Variants in POLDIP2 observed in about 807,000 individuals in gnomAD.
POLDIP2 encodes polymerase delta-interacting protein 2.
POLDIP2 carries 32 observed loss-of-function variants against 52.9 expected under a neutral mutation model. That is an observed-to-expected ratio of 0.61 (90% CI 0.46 to 0.81). The LOEUF is 0.81. Among genes scored for constraint, POLDIP2 ranks in the 40% least tolerant of loss-of-function variants. POLDIP2 has a pLI of 0.00. For missense variants in POLDIP2, 371 were observed against 477.3 expected (o/e 0.78, Z 2.07); for synonymous variants, 183 against 183.0 (o/e 1.00, Z 0.00).
At chr17:28,353,978 T>G (rs1328618856) in intron 3 of POLDIP2, among the ~76,000 whole-genome samples, 187 bp from the exon 4 acceptor site, 1 of 152,156 alleles carries the variant, frequency 6.6e-6, no homozygotes, top group Non-Finnish European at 1.5e-5. Context: ...TAATAGAGCA[T>G]GGAAGACCAT....
Position 28,353,772 on chromosome 17 carries a change from G to A in POLDIP2, c.361C>T (p.His121Tyr), listed in dbSNP as rs1907914273. ...APEKAENPAG[H>Y]GSKEVKGKTH... ...TTGCCTTTCACCTCCTTGGAGCCAT[G>A]GCCAGCAGGGTTCTCTGCTCTATGG... The change falls in exon 4 of 11, where the codon CAT (histidine) becomes TAT (tyrosine). Residue 121 changes from histidine (H) to tyrosine (Y), a missense_variant. Transcript: ENST00000540200. 3 of 1,612,788 alleles carry A rather than the reference G, an allele frequency of 1.9e-6. No individual in the cohort carries two copies. The highest frequency in any genetic ancestry group is 1.7e-6 in the Non-Finnish European group (2 of 1,178,994).
chr17:28,354,374 T>C (rs1907933800), intron 3 of POLDIP2, 114 bp downstream of exon 3: 3 of 730,660 alleles, frequency 4.1e-6, no homozygotes, highest in Non-Finnish European at 7.2e-6. Context: ...AGAAGTACTC[T>C]GGGGATGTTT....
chr17:28,354,979 T>C (rs1555580642), intron 2 of POLDIP2, among the ~76,000 whole-genome samples: 1 of 152,198 alleles, frequency 6.6e-6, no homozygotes, highest in African/African-American at 2.4e-5. Context: ...AAAAATAAAA[T>C]GTTGAACAAA....
chr17:28,348,962 G>T, intron 10 of POLDIP2, 121 bp downstream of exon 10: 1 of 631,272 alleles, frequency 1.6e-6, no homozygotes, highest in Non-Finnish European at 2.8e-6. Flanking sequence ...AGCAGATAAG[G>T]CTCCCTCTAA....
chr17:28,356,336 CT>C (rs1472582811), intron 1 of POLDIP2, among the ~76,000 whole-genome samples: 4 of 151,972 alleles, frequency 2.6e-5, no homozygotes, highest in Admixed American at 6.6e-5. Context: ...CATGTCTTAT[CT>C]TTATTAAATA....
intron 4 of POLDIP2, 143 bp from the exon 5 acceptor site, chr17:28,353,459 T>C (rs1260981820): frequency 1.7e-6 from 1 of 573,672 alleles, no homozygotes; most frequent in Non-Finnish European, 3.2e-6. Flanking sequence ...GAGGCAGAGG[T>C]TGCAGTGAGC....
chr17:28,351,723 GA>G lies in POLDIP2; in HGVS notation c.699del (p.His234IlefsTer19), dbSNP rs1333970184. 1.9e-6 allele frequency: 3 copies of G among 1,613,630 alleles called. No individual in the cohort carries two copies. Among genetic ancestry groups the G allele is most frequent in the Non-Finnish European group, 2.5e-6 (3 of 1,179,666 alleles). On this transcript the variant is annotated frameshift_variant, in exon 7 of 11. Coordinates refer to ENST00000540200, the MANE Select transcript of POLDIP2 (RefSeq NM_015584.5). LOFTEE classifies it high-confidence loss of function. ...KNHPWLELSD[V>X]HRETTENIRV... Reference sequence around the variant, plus strand: ...CGTATGTTCTCAGTTGTTTCCCGATGAACATCGGAGAGCTCCAGCCAGGGGT... The same window carrying G: ...CGTATGTTCTCAGTTGTTTCCCGATGACATCGGAGAGCTCCAGCCAGGGGT...
At chr17:28,356,772 TC>T (rs1384112973) in intron 1 of POLDIP2, among the ~76,000 whole-genome samples, 5 of 152,130 alleles carry the variant, frequency 3.3e-5, no homozygotes, top group Admixed American at 1.3e-4. Context: ...GCCTGTCCCA[TC>T]CGTGGAAACA....
At chr17:28,350,406 A>G (rs1383528169) in intron 9 of POLDIP2, 32 bp downstream of exon 9, 2 of 1,581,420 alleles carry the variant, frequency 1.3e-6, no homozygotes, top group Non-Finnish European at 8.6e-7. Flanking sequence ...CTTGCCACAC[A>G]GGACCAGAAT....
Position 28,350,692 on chromosome 17 carries a change from T to C in POLDIP2, c.786+74A>G, listed in dbSNP as rs1422831778. On this transcript the variant is annotated intron_variant, in intron 8 of 10. Transcript: ENST00000540200. ...CACAGGTTCCGCTCTCGTCAGAAGGTGGGCTCCCCCACCTCCACCCTGACC... is the reference window on the plus strand; with the variant it reads ...CACAGGTTCCGCTCTCGTCAGAAGGCGGGCTCCCCCACCTCCACCCTGACC... The C allele has an allele frequency of 3.9e-6, 6 of 1,556,318 alleles. No homozygotes were observed. The African/African-American group carries it at 5.4e-5, about 14-fold the overall frequency.
In POLDIP2 at chr17:28,357,394, G is replaced by A; in HGVS notation, c.55C>T (p.Arg19Trp). The A allele has an allele frequency of 1.3e-6, 2 of 1,526,764 alleles. No individual in the cohort carries two copies. The highest frequency in any genetic ancestry group is 1.7e-6 in the Non-Finnish European group (2 of 1,147,376). The allele number at this position is 1,526,764 out of a possible 1,614,324, so 94.6% of individuals were successfully genotyped here. ...GGCCACCGGGCCCCAGTCAGCGACC[G>A]GGACCACCAGCGGCTGCCCACGGCC... The part of the protein sequence containing the change: ...ALAVGSRWWS[R>W]SLTGARWPRP... Residue 19 changes from arginine (R) to tryptophan (W), a missense_variant, in exon 1 of 11, where the codon CGG becomes TGG. Transcript: ENST00000540200.
intron 7 of POLDIP2, 109 bp from the exon 8 acceptor site, chr17:28,350,901 C>A: frequency 2.2e-6 from 2 of 911,210 alleles, no homozygotes; most frequent in Non-Finnish European, 3.5e-6. Flanking sequence ...GCAGACAGAC[C>A]AAGCTGAGAG....
At chr17:28,356,644 G>A (rs1420043588) in intron 1 of POLDIP2, among the ~76,000 whole-genome samples, 1 of 152,140 alleles carries the variant, frequency 6.6e-6, no homozygotes, top group East Asian at 1.9e-4. Flanking sequence ...TAAAATGTCA[G>A]TCACCACTCT....
rs56849829 is a variant in POLDIP2, at chr17:28,352,552, T to TC, written c.622+359dup. On this transcript the variant is annotated intron_variant, in intron 6 of 10. Coordinates refer to ENST00000540200, the MANE Select transcript of POLDIP2 (RefSeq NM_015584.5). ...GCACCCGGGCCTTTTTTTTTTTTTT[T>TC]CCTGAGATGGAGTCTCGCTCTGTTG... Among the ~76,000 whole-genome samples the TC allele has an allele frequency of 5.6e-3, 837 of 148,852 alleles. 15 individuals carry two copies. Among genetic ancestry groups the TC allele is most frequent in the African/African-American group, 0.02 (798 of 40,114 alleles).
At chr17:28,356,280 CAA>C (rs1908024808) in intron 1 of POLDIP2, among the ~76,000 whole-genome samples, 2 of 151,964 alleles carry the variant, frequency 1.3e-5, no homozygotes, top group African/African-American at 4.8e-5. Context: ...TTCTATATCA[CAA>C]GTCATCAAAC....
In POLDIP2 at chr17:28,357,416, G is replaced by A. The variant is rs782494463; in HGVS notation, c.33C>T (p.Ala11=). The change falls in exon 1 of 11, where the codon GCC becomes GCT. Residue 11 remains alanine (A), a synonymous_variant. Coordinates refer to ENST00000540200, the MANE Select transcript of POLDIP2 (RefSeq NM_015584.5). ...ACCGGGACCACCAGCGGCTGCCCACGGCCAGGGCCCGCCGGGCTGTACAGG... is the reference window on the plus strand; with the variant it reads ...ACCGGGACCACCAGCGGCTGCCCACAGCCAGGGCCCGCCGGGCTGTACAGG... MAACTARRAL[A]VGSRWWSRSL... 51 of 1,505,054 alleles carry A rather than the reference G, an allele frequency of 3.4e-5. No individual in the cohort carries two copies. The highest frequency in any genetic ancestry group is 4.5e-5 in the Non-Finnish European group (51 of 1,136,318). 93.2% of individuals were successfully genotyped at this position (1,505,054 alleles called of 1,614,324 possible). A position where few individuals can be genotyped will look rare whatever the true frequency, so the allele number is the denominator to read the frequency against.
In POLDIP2 at chr17:28,357,144, G is replaced by A. The variant is rs569898093; in HGVS notation, c.161+144C>T. Reference sequence around the variant, plus strand: ...CCTGGCACATGTCCCAGACAGCGCAGGTCGGCTCCCTGCTCGGGACCCTCT... The same window carrying A: ...CCTGGCACATGTCCCAGACAGCGCAAGTCGGCTCCCTGCTCGGGACCCTCT... On this transcript the variant is annotated intron_variant, in intron 1 of 10. Transcript: ENST00000540200. 11 of 772,786 alleles carry A rather than the reference G, an allele frequency of 1.4e-5. No individual in the cohort carries two copies. The African/African-American group carries it at 1.9e-4, about 13-fold the overall frequency. 47.9% of individuals were successfully genotyped at this position (772,786 alleles called of 1,614,324 possible).
At chr17:28,355,050 G>A (rs1907961615) in intron 2 of POLDIP2, among the ~76,000 whole-genome samples, 1 of 152,160 alleles carries the variant, frequency 6.6e-6, no homozygotes, top group South Asian at 2.1e-4. Context: ...AGTGGACCCA[G>A]AACAAAGCTG....
rs781845015 is a variant in POLDIP2 at position 28,357,456 on chromosome 17, C to A, written c.-8G>T. ...GGCTGTACAGGCTGCCATGTCCCGC[C>A]CGAGCGCCCGCCCGGCTGCTGACAC... On this transcript the variant is annotated 5_prime_UTR_variant, in exon 1 of 11. Coordinates refer to ENST00000540200, the MANE Select transcript of POLDIP2 (RefSeq NM_015584.5). 31 of 1,433,416 alleles carry A rather than the reference C, an allele frequency of 2.2e-5. No individual in the cohort carries two copies. The Admixed American group carries it at 8.6e-4, about 40-fold the overall frequency. The allele number at this position is 1,433,416 out of a possible 1,614,324, so 88.8% of individuals were successfully genotyped here. A position where few individuals can be genotyped will look rare whatever the true frequency, so the allele number is the denominator to read the frequency against.
Sources: gnomAD v4.1 joint callset for allele counts (sites outside exome capture counted in the v4.1 genomes callset) on GRCh38, gnomAD v4.1.1 for gene constraint, MANE v1.5 for transcripts, NCBI Gene and HGNC (gene_info 2026-07-23, HGNC 2026-07-21) for gene names.